Variants in IL6R observed in about 807,000 individuals in gnomAD.
IL6R encodes interleukin-6 receptor subunit alpha.
In IL6R, 38 loss-of-function variants were observed where a neutral mutation model predicts 48.3. That is an observed-to-expected ratio of 0.79 (90% confidence interval 0.61 to 1.03). The LOEUF (loss-of-function observed/expected upper bound fraction) is 1.03. IL6R is among the 50% of genes least tolerant of loss of function. The pLI, the probability that IL6R is intolerant of heterozygous loss-of-function variation, is 0.00. For missense variants in IL6R, 534 were observed against 618.3 expected, an observed-to-expected ratio of 0.86 and a Z score of 1.45; for synonymous variants, 264 against 256.2, an observed-to-expected ratio of 1.03 and a Z score of -0.29.
chr1:154,467,271 T>C lies in IL6R; in HGVS notation c.*1891T>C, dbSNP rs1368219638. ...CCATGATTAACCACTTCAGCTGACT[T>C]TTCTGTCCGAGCTTTGAAAATTCAG... On this transcript the variant is annotated 3_prime_UTR_variant, in exon 10 of 10. Transcript: ENST00000368485. The C allele has an allele frequency of 6.6e-6, 1 of 152,240 alleles. No homozygotes were observed. The highest frequency in any genetic ancestry group is 1.5e-5 in the Non-Finnish European group (1 of 68,046). 9.4% of individuals were successfully genotyped at this position (152,240 alleles called of 1,614,324 possible).
intron 2 of IL6R, 46 bp downstream of exon 2, chr1:154,429,490 G>A (rs1170700404): frequency 1.3e-6 from 2 of 1,575,424 alleles, no homozygotes; most frequent in Non-Finnish European, 1.7e-6. Context: ...CGTAAGAAAT[G>A]AGGCTTTGTG....
intron 6 of IL6R, among the ~76,000 whole-genome samples, chr1:154,445,430 TGAGTA>T (rs1280130493): frequency 1.3e-5 from 2 of 152,098 alleles, no homozygotes; most frequent in Non-Finnish European, 2.9e-5. Context: ...GCATCTGTCT[TGAGTA>T]TAGTATGGGG....
Position 154,405,997 on chromosome 1 carries a change from A to G in IL6R, c.85+283A>G, listed in dbSNP as rs1687689600. Among the ~76,000 whole-genome samples, 2 of 152,094 alleles carry G rather than the reference A, an allele frequency of 1.3e-5. No individual in the cohort carries two copies. The highest frequency in any genetic ancestry group is 4.8e-5 in the African/African-American group (2 of 41,424). ...CTGTGTACAGGACTGTGTCCTTGCA[A>G]ACCTGACTCTCGAGCTTCCTTCCCA... is the stretch of plus-strand genomic sequence containing the variant. On this transcript the variant is annotated intron_variant, in intron 1 of 9. Transcript: ENST00000368485. This position sits in a 1 kb window ranked among gnomAD's most constrained non-coding sequence, Gnocchi z 5.2.
intron 9 of IL6R, among the ~76,000 whole-genome samples, chr1:154,461,367 C>T (rs1184747277): frequency 2.0e-5 from 3 of 152,112 alleles, no homozygotes; most frequent in Admixed American, 6.6e-5. Flanking sequence ...CCTGACTCCT[C>T]CAAGGAAAGG....
intron 1 of IL6R, among the ~76,000 whole-genome samples, chr1:154,427,849 C>T (rs568767706): frequency 6.6e-5 from 10 of 152,280 alleles, no homozygotes; most frequent in Admixed American, 2.0e-4. Flanking sequence ...GAGATAAAAA[C>T]GCCTCATAAA....
chr1:154,451,440 C>T (rs1432983468), intron 8 of IL6R, among the ~76,000 whole-genome samples: 1 of 151,862 alleles, frequency 6.6e-6, no homozygotes, highest in Non-Finnish European at 1.5e-5. Context: ...ATCACTTGAA[C>T]CTGGGAGGCA....
chr1:154,446,651 G>A (rs1484294314), intron 6 of IL6R, among the ~76,000 whole-genome samples: 1 of 152,254 alleles, frequency 6.6e-6, no homozygotes, highest in East Asian at 1.9e-4. Context: ...CACTGTTCCC[G>A]TGCAGGGGGA....
At position 154,465,360 on chromosome 1, in the gene IL6R, GACT is replaced by G; in HGVS notation, c.1391_1393del (p.Tyr464del). 1.2e-6 allele frequency: 2 copies of G among 1,614,164 alleles called. No homozygotes were observed. The highest frequency in any genetic ancestry group is 1.1e-5 in the South Asian group (1 of 91,078). On this transcript the variant is annotated inframe_deletion, in exon 10 of 10. Transcript: ENST00000368485. Reference sequence around the variant, plus strand: ...GAGCCCTTATGACATCAGCAATACAGACTACTTCTTCCCCAGATAGCTGGCTGG... The same window carrying G: ...GAGCCCTTATGACATCAGCAATACAGACTTCTTCCCCAGATAGCTGGCTGG...
chr1:154,424,048 A>G (rs867042496), intron 1 of IL6R, among the ~76,000 whole-genome samples: 4 of 152,302 alleles, frequency 2.6e-5, no homozygotes, highest in Middle Eastern at 3.4e-3. Flanking sequence ...AGCAGAAAAG[A>G]GAGCTTCCTC....
chr1:154,432,969 T>A (rs1689388416), intron 3 of IL6R, among the ~76,000 whole-genome samples: 1 of 152,184 alleles, frequency 6.6e-6, no homozygotes, highest in Non-Finnish European at 1.5e-5. Context: ...GCAGCACTGC[T>A]CCCTCCTTCT....
chr1:154,414,365 CAGA>C, intron 1 of IL6R: 1 of 1,388,716 alleles, frequency 7.2e-7, no homozygotes. Flanking sequence ...CTGGTGGGCT[CAGA>C]AGATCATCTC....
chr1:154,457,542 T>TG (rs1207897256), intron 9 of IL6R, among the ~76,000 whole-genome samples: 1 of 152,164 alleles, frequency 6.6e-6, no homozygotes, highest in Non-Finnish European at 1.5e-5. Context: ...CCCTGGCTGC[T>TG]GTCTCATCAT....
At chr1:154,414,475 G>T in intron 1 of IL6R, 3 of 1,059,736 alleles carry the variant, frequency 2.8e-6, no homozygotes, top group South Asian at 1.3e-5. Flanking sequence ...AACTATATTA[G>T]TTGTTGGGGC....
intron 3 of IL6R, among the ~76,000 whole-genome samples, chr1:154,434,147 A>G (rs984478645): frequency 6.6e-6 from 1 of 151,892 alleles, no homozygotes; most frequent in Admixed American, 6.6e-5. Context: ...AGCCTGGGCA[A>G]CATGGTGAAA....
At chr1:154,447,989 G>A (rs982651609) in intron 6 of IL6R, 136 bp from the exon 7 acceptor site, 8 of 691,628 alleles carry the variant, frequency 1.2e-5, no homozygotes, top group South Asian at 8.5e-5. Context: ...GATGACAGAC[G>A]TGAGCCACCG....
chr1:154,423,767 A>G (rs1438535109), intron 1 of IL6R, among the ~76,000 whole-genome samples: 2 of 152,188 alleles, frequency 1.3e-5, no homozygotes, highest in Non-Finnish European at 2.9e-5. Context: ...AGTTTTAAAG[A>G]TTCAGAAAGC....
At chr1:154,432,053 G>C (rs1349864289) in intron 3 of IL6R, among the ~76,000 whole-genome samples, 1 of 152,158 alleles carries the variant, frequency 6.6e-6, no homozygotes, top group East Asian at 1.9e-4. Flanking sequence ...ACTTCAATAG[G>C]GTGGTTCAGC....
intron 1 of IL6R, chr1:154,414,553 G>A: frequency 1.3e-6 from 1 of 747,312 alleles, no homozygotes; most frequent in Non-Finnish European, 2.4e-6. Flanking sequence ...AGAGGATCTG[G>A]TGGCCTCGGT....
chr1:154,440,398 G>C (rs978842511), intron 6 of IL6R, among the ~76,000 whole-genome samples: 1 of 152,276 alleles, frequency 6.6e-6, no homozygotes, highest in East Asian at 1.9e-4. Flanking sequence ...CCTGCTTTCA[G>C]TTCTTTTGTG....
Sources: gnomAD v4.1 joint callset for allele counts (sites outside exome capture counted in the v4.1 genomes callset) on GRCh38, gnomAD v4.1.1 for gene constraint, Gnocchi (gnomAD v3.1) non-coding constraint, MANE v1.5 for transcripts, NCBI Gene and HGNC (gene_info 2026-07-23, HGNC 2026-07-21) for gene names.